The following MOK variants were observed in gnomAD, a reference collection of about 807,000 sequenced individuals.
The protein encoded by MOK is MOK protein kinase, also known as MAPK/MAK/MRK overlapping kinase.
A neutral mutation model predicts 54.2 loss-of-function variants in MOK; 59 were observed. The observed-to-expected ratio is 1.09, with a 90% CI of 0.88 to 1.35. The LOEUF is 1.35. MOK is among the 40% of genes most tolerant of loss of function. The probability of loss-of-function intolerance (pLI) is 0.00; values close to 1 mark genes in which losing one functional copy is unlikely to be tolerated. For missense variants in MOK, 517 were observed against 526.2 expected, an observed-to-expected ratio of 0.98 and a Z score of 0.17; for synonymous variants, 210 against 202.7, an observed-to-expected ratio of 1.04 and a Z score of -0.31.
At position 102,231,432 on chromosome 14, in the gene MOK, G is replaced by C. The variant is rs182234248; in HGVS notation, c.981+275C>G. The C allele has an allele frequency of 3.3e-4, 119 of 364,610 alleles. 1 individual carries two copies. Among genetic ancestry groups the C allele is most frequent in the Admixed American group, 1.0e-3 (25 of 23,846 alleles). The allele number at this position is 364,610 out of a possible 1,614,324, so 22.6% of individuals were successfully genotyped here. A position where few individuals can be genotyped will look rare whatever the true frequency, so the allele number is the denominator to read the frequency against. ...TATGGTCATCAGGACAGACACAAAAGTTCATGCAAACATCCCCTCTCTGGG... is the reference window on the plus strand; with the variant it reads ...TATGGTCATCAGGACAGACACAAAACTTCATGCAAACATCCCCTCTCTGGG... On this transcript the variant is annotated intron_variant, in intron 10 of 11. Coordinates refer to ENST00000361847, the MANE Select transcript of MOK (RefSeq NM_014226.3). The surrounding 1 kb of genome is among the most constrained non-coding windows in gnomAD (Gnocchi z 4.4).
chr14:102,225,219 C>T (rs1289495074), downstream of MOK: 1 of 182,262 alleles, frequency 5.5e-6, no homozygotes, highest in African/African-American at 2.4e-5. Context: ...TGCCACCATA[C>T]CTGGGTAATT....
downstream of MOK, chr14:102,222,729 G>A: frequency 7.9e-7 from 1 of 1,260,636 alleles, no homozygotes; most frequent in Non-Finnish European, 1.2e-6. The surrounding 1 kb of genome is among the most constrained non-coding windows in gnomAD (Gnocchi z 4.4). Flanking sequence ...CACATCAACA[G>A]CACCAGTTTT....
At chr14:102,288,306 G>T (rs1205453892) in intron 1 of MOK, among the ~76,000 whole-genome samples, 4 of 152,198 alleles carry the variant, frequency 2.6e-5, no homozygotes, top group Admixed American at 2.6e-4. Flanking sequence ...GAGATGAACG[G>T]ATAAACAAAA....
chr14:102,244,359 A>T (rs956084165), intron 7 of MOK, among the ~76,000 whole-genome samples: 4 of 152,194 alleles, frequency 2.6e-5, no homozygotes, highest in Non-Finnish European at 5.9e-5. Context: ...GGACTAAGGA[A>T]CATATCTCCT....
At chr14:102,214,985 C>T in the MOK span, 7 of 984,526 alleles carry the variant, frequency 7.1e-6, no homozygotes, top group South Asian at 4.7e-5. Flanking sequence ...ATTAAATAAA[C>T]GTGTGTGAGT....
chr14:102,216,457 A>G, the MOK span, among the ~76,000 whole-genome samples: 7 of 152,080 alleles, frequency 4.6e-5, no homozygotes, highest in African/African-American at 7.2e-5. Context: ...AAACTCAGCT[A>G]ATTTTTGTGT....
At position 102,305,066 on chromosome 14, in the gene MOK, G is replaced by C. The variant is rs2072641565; in HGVS notation, c.-98C>G. 1.4e-6 allele frequency: 2 copies of C among 1,415,822 alleles called. No homozygotes were observed. Among genetic ancestry groups the C allele is most frequent in the African/African-American group, 1.4e-5 (1 of 70,822 alleles). 87.7% of individuals were successfully genotyped at this position (1,415,822 alleles called of 1,614,324 possible). On this transcript the variant is annotated 5_prime_UTR_variant, in exon 1 of 12. Coordinates refer to ENST00000361847, the MANE Select transcript of MOK (RefSeq NM_014226.3). ...CCTGCTTTCCACTTCCCTGAGGCGG[G>C]GTCCCGCACTAGGATCTCCGTGGTG...
At position 102,274,696 on chromosome 14, in the gene MOK, C is replaced by T. The variant is rs952490459; in HGVS notation, c.122+8782G>A. ...ACTGTCTTTAAAAAGATGAAGAGGCCGGGCACGGTAACTCACGCCTGTAAT... is the reference window on the plus strand; with the variant it reads ...ACTGTCTTTAAAAAGATGAAGAGGCTGGGCACGGTAACTCACGCCTGTAAT... On this transcript the variant is annotated intron_variant, in intron 2 of 11. Coordinates refer to ENST00000361847, the MANE Select transcript of MOK (RefSeq NM_014226.3). 2.0e-4 allele frequency among the ~76,000 whole-genome samples: 30 copies of T among 151,408 alleles called. 1 individual carries two copies. Among genetic ancestry groups the T allele is most frequent in the South Asian group, 8.4e-4 (4 of 4,774 alleles).
At chr14:102,246,666 G>C (rs2066116282) in intron 7 of MOK, among the ~76,000 whole-genome samples, 1 of 151,980 alleles carries the variant, frequency 6.6e-6, no homozygotes, top group Admixed American at 6.6e-5. Context: ...TCGACATACA[G>C]GCATTAACAA....
chr14:102,215,427 G>C, the MOK span, among the ~76,000 whole-genome samples: 1 of 152,212 alleles, frequency 6.6e-6, no homozygotes, highest in African/African-American at 2.4e-5. Flanking sequence ...AGCTGGGAGA[G>C]TGGAGAAGGT....
rs1597219704 is a variant in MOK, at chr14:102,229,153, A to AG, written c.*135_*136insC. ...CGGGTGCGGCAGGGCGCAGGGCAGC[A>AG]CCCAGAGCCCCGGCCAGCGCGAAAC... On this transcript the variant is annotated 3_prime_UTR_variant, in exon 12 of 12. Coordinates refer to ENST00000361847, the MANE Select transcript of MOK (RefSeq NM_014226.3). The AG allele has an allele frequency of 2.1e-6, 2 of 936,632 alleles. No homozygotes were observed. Among genetic ancestry groups the AG allele is most frequent in the East Asian group, 2.6e-5 (1 of 37,882 alleles). 58.0% of individuals were successfully genotyped at this position (936,632 alleles called of 1,614,324 possible). A position where few individuals can be genotyped will look rare whatever the true frequency, so the allele number is the denominator to read the frequency against.
At chr14:102,219,217 G>A in the MOK span, among the ~76,000 whole-genome samples, 1 of 152,232 alleles carries the variant, frequency 6.6e-6, no homozygotes, top group South Asian at 2.1e-4. Context: ...GAAACAAGGT[G>A]ACTTTTTTCA....
At chr14:102,289,452 T>C (rs1051636078) in intron 1 of MOK, among the ~76,000 whole-genome samples, 2 of 152,148 alleles carry the variant, frequency 1.3e-5, no homozygotes, top group Non-Finnish European at 2.9e-5. Context: ...AGAGGGCCAA[T>C]TCCCTCCTGC....
chr14:102,302,886 G>A (rs1265583905), intron 1 of MOK, among the ~76,000 whole-genome samples: 1 of 151,584 alleles, frequency 6.6e-6, no homozygotes, highest in Non-Finnish European at 1.5e-5. Flanking sequence ...GGAAGGCCAG[G>A]CACAGTGGCT....
In MOK at chr14:102,230,095, G is replaced by T. The variant is rs529323070; in HGVS notation, c.982-438C>A. ...TTGTTGCTCTGTAGCACAGACTGGA[G>T]TGCAGTGGTGCAATCTTGGCTCACT... On this transcript the variant is annotated intron_variant, in intron 10 of 11. Transcript: ENST00000361847. The surrounding 1 kb of genome is among the most constrained non-coding windows in gnomAD (Gnocchi z 4.1). 1.8e-5 allele frequency: 3 copies of T among 167,054 alleles called. No individual in the cohort carries two copies. Among genetic ancestry groups the T allele is most frequent in the Non-Finnish European group, 3.9e-5 (3 of 76,640 alleles). 10.3% of individuals were successfully genotyped at this position (167,054 alleles called of 1,614,324 possible). A position where few individuals can be genotyped will look rare whatever the true frequency, so the allele number is the denominator to read the frequency against.
rs2064936688 is a variant in MOK at position 102,233,530 on chromosome 14, G to A, written c.692+158C>T. The A allele has an allele frequency of 4.9e-6, 3 of 614,484 alleles. No individual in the cohort carries two copies. In the South Asian group the frequency reaches 5.9e-5, roughly 12 times the overall value. 38.1% of individuals were successfully genotyped at this position (614,484 alleles called of 1,614,324 possible). A position where few individuals can be genotyped will look rare whatever the true frequency, so the allele number is the denominator to read the frequency against. On this transcript the variant is annotated intron_variant, in intron 8 of 11. Coordinates refer to ENST00000361847, the MANE Select transcript of MOK (RefSeq NM_014226.3). ...CCACTTAAAGTGATGGGCTCTGTCT[G>A]AGCAGCCACTCACTGGCCCTCAAGT...
intron 8 of MOK, 128 bp downstream of exon 8, chr14:102,233,560 T>C: frequency 2.8e-6 from 2 of 718,650 alleles, no homozygotes; most frequent in Non-Finnish European, 4.7e-6. Context: ...TCAAGTGAAC[T>C]TGAACCCCTG....
In MOK at chr14:102,232,805, GT is replaced by G; in HGVS notation, c.693-98del. On this transcript the variant is annotated intron_variant, in intron 8 of 11. Coordinates refer to ENST00000361847, the MANE Select transcript of MOK (RefSeq NM_014226.3). The surrounding 1 kb of genome is among the most constrained non-coding windows in gnomAD (Gnocchi z 5.1). ...TAAGGGCCCTGTGTGGTGGGGAATG[GT>G]TTATGACTGCAGAGTCTACACCTGT... The G allele has an allele frequency of 9.0e-7, 1 of 1,112,692 alleles. No individual in the cohort carries two copies. The highest frequency in any genetic ancestry group is 1.3e-6 in the Non-Finnish European group (1 of 767,770). The allele number at this position is 1,112,692 out of a possible 1,614,324, so 68.9% of individuals were successfully genotyped here. A position where few individuals can be genotyped will look rare whatever the true frequency, so the allele number is the denominator to read the frequency against.
chr14:102,257,327 A>G (rs781659612), intron 4 of MOK, among the ~76,000 whole-genome samples: 1 of 152,074 alleles, frequency 6.6e-6, no homozygotes, highest in South Asian at 2.1e-4. Flanking sequence ...TGGTAGCTGC[A>G]GCAGCTTTAT....
Sources: gnomAD v4.1 joint callset for allele counts (sites outside exome capture counted in the v4.1 genomes callset) on GRCh38, gnomAD v4.1.1 for gene constraint, Gnocchi (gnomAD v3.1) non-coding constraint, MANE v1.5 for transcripts, NCBI Gene and HGNC (gene_info 2026-07-23, HGNC 2026-07-21) for gene names.